Variants in MINDY3 observed in about 807,000 individuals in gnomAD.
MINDY3 encodes the protein MINDY lysine 48 deubiquitinase 3.
Under a neutral mutation model 69.2 loss-of-function variants are expected in MINDY3, and 38 were observed. The ratio of observed to expected loss-of-function variants is 0.55; its 90% confidence interval spans 0.42 to 0.72. MINDY3 has a LOEUF of 0.72. Ranked by LOEUF, MINDY3 falls within the 30% of genes least tolerant of loss-of-function variation. The probability of loss-of-function intolerance (pLI) is 0.00; values close to 1 mark genes in which losing one functional copy is unlikely to be tolerated. For synonymous variants in MINDY3, 192 were observed against 180.1 expected, an observed-to-expected ratio of 1.07 and a Z score of -0.53; for missense variants, 522 against 519.0, an observed-to-expected ratio of 1.01 and a Z score of -0.06.
chr10:15,786,765 G>A lies in MINDY3; in HGVS notation c.1029-117C>T, dbSNP rs574004993. On this transcript the variant is annotated intron_variant, in intron 12 of 14. Transcript: ENST00000277632. ...TCGGCTGCCAAAAACACTAAGAGCT[G>A]TTCTTTTTAGAACCTTAATGACAAA... The A allele has an allele frequency of 1.4e-4, 93 of 667,814 alleles. No individual in the cohort carries two copies. The East Asian group carries it at 2.3e-3, about 16-fold the overall frequency. 41.4% of individuals were successfully genotyped at this position (667,814 alleles called of 1,614,324 possible). A position where few individuals can be genotyped will look rare whatever the true frequency, so the allele number is the denominator to read the frequency against.
At chr10:15,838,373 C>T in intron 4 of MINDY3, 94 bp from the exon 5 acceptor site, 1 of 1,096,986 alleles carries the variant, frequency 9.1e-7, no homozygotes, top group East Asian at 2.8e-5. Context: ...GCAATCAAAA[C>T]TTTCCCTATT....
chr10:15,850,692 C>A lies in MINDY3; in HGVS notation c.95-2749G>T, dbSNP rs372329226. Among the ~76,000 whole-genome samples, 3 of 152,268 alleles carry A rather than the reference C, an allele frequency of 2.0e-5. No homozygotes were observed. The South Asian group carries it at 6.2e-4, about 32-fold the overall frequency. ...TATCAATGACAATGCCGGCCCAGTACAACATGAAACTTCATCAGCAATTCT... is the reference window on the plus strand; with the variant it reads ...TATCAATGACAATGCCGGCCCAGTAAAACATGAAACTTCATCAGCAATTCT... On this transcript the variant is annotated intron_variant, in intron 1 of 14. Coordinates refer to ENST00000277632, the MANE Select transcript of MINDY3 (RefSeq NM_024948.4).
chr10:15,827,686 A>G (rs1457929422), intron 8 of MINDY3, among the ~76,000 whole-genome samples: 1 of 152,160 alleles, frequency 6.6e-6, no homozygotes, highest in Non-Finnish European at 1.5e-5. Context: ...GAGAATTTAT[A>G]AAGAGCTCCT....
intron 2 of MINDY3, among the ~76,000 whole-genome samples, chr10:15,843,568 A>T (rs1833628323): frequency 6.6e-6 from 1 of 152,088 alleles, no homozygotes; most frequent in African/African-American, 2.4e-5. Flanking sequence ...AAGCACACAA[A>T]CTTACTGCTC....
chr10:15,850,945 T>C (rs1279080000), intron 1 of MINDY3, among the ~76,000 whole-genome samples: 1 of 152,016 alleles, frequency 6.6e-6, no homozygotes, highest in Non-Finnish European at 1.5e-5. Flanking sequence ...TTAGGGAAAA[T>C]AGAAAAGAAC....
At chr10:15,828,576 A>G (rs941546600) in intron 8 of MINDY3, among the ~76,000 whole-genome samples, 5 of 128,946 alleles carry the variant, frequency 3.9e-5, no homozygotes, top group African/African-American at 1.9e-4. Context: ...TAAAGCTATA[A>G]GTAAAAAAAA....
intron 8 of MINDY3, among the ~76,000 whole-genome samples, chr10:15,831,008 A>G (rs527566674): frequency 1.3e-5 from 2 of 152,326 alleles, no homozygotes; most frequent in East Asian, 1.9e-4. Context: ...GGAAAGATAT[A>G]TAGTTCTTCT....
intron 13 of MINDY3, chr10:15,782,483 T>G: frequency 2.7e-6 from 1 of 376,162 alleles, no homozygotes; most frequent in Non-Finnish European, 4.7e-6. Flanking sequence ...ACTTATTTTT[T>G]TTTTAATTAT....
chr10:15,831,761 C>T (rs1053134015), intron 8 of MINDY3, among the ~76,000 whole-genome samples: 10 of 151,412 alleles, frequency 6.6e-5, no homozygotes, highest in South Asian at 2.1e-4. Flanking sequence ...CTGCAACCTC[C>T]GCCTCCCGGG....
At chr10:15,781,933 C>T (rs115715623) in intron 14 of MINDY3, among the ~76,000 whole-genome samples, 131 of 152,242 alleles carry the variant, frequency 8.6e-4, no homozygotes, top group Middle Eastern at 3.4e-3. Context: ...TGTATTTAGT[C>T]ATGGTGAAAC....
At chr10:15,789,185 T>C (rs577475255) in intron 12 of MINDY3, 62 bp downstream of exon 12, 4 of 1,349,188 alleles carry the variant, frequency 3.0e-6, no homozygotes, top group African/African-American at 2.9e-5. Context: ...AAATGTACAA[T>C]ATGTCTTAAA....
chr10:15,796,441 G>A (rs1331676948), intron 10 of MINDY3, among the ~76,000 whole-genome samples: 7 of 149,626 alleles, frequency 4.7e-5, no homozygotes, highest in Middle Eastern at 3.2e-3. Context: ...GGGGAAAAAC[G>A]TCTAATACAG....
chr10:15,833,369 C>A (rs1045555929), intron 8 of MINDY3, among the ~76,000 whole-genome samples: 1 of 152,074 alleles, frequency 6.6e-6, no homozygotes, highest in African/African-American at 2.4e-5. Flanking sequence ...TCATAAATCC[C>A]AGTTTTATAC....
intron 2 of MINDY3, 81 bp downstream of exon 2, chr10:15,847,783 G>T: frequency 1.1e-6 from 1 of 895,664 alleles, no homozygotes; most frequent in South Asian, 1.4e-5. Flanking sequence ...ATTACTATAT[G>T]GAGTACAGAC....
chr10:15,856,394 C>T (rs577342948), intron 1 of MINDY3, among the ~76,000 whole-genome samples: 4 of 151,408 alleles, frequency 2.6e-5, no homozygotes, highest in African/African-American at 9.7e-5. Flanking sequence ...TACACCTACA[C>T]GCCCCTCTTC....
At chr10:15,790,228 A>G (rs1837306324) in intron 11 of MINDY3, among the ~76,000 whole-genome samples, 1 of 152,126 alleles carries the variant, frequency 6.6e-6, no homozygotes, top group Admixed American at 6.6e-5. Flanking sequence ...TCTATCAGAA[A>G]GGAATGAAGT....
At chr10:15,779,968 A>C (rs561983122) in intron 14 of MINDY3, among the ~76,000 whole-genome samples, 1 of 152,086 alleles carries the variant, frequency 6.6e-6, no homozygotes, top group Non-Finnish European at 1.5e-5. Context: ...ACATTAAGGC[A>C]CTCCTTGGTG....
intron 13 of MINDY3, 52 bp from the exon 14 acceptor site, chr10:15,782,278 A>G: frequency 8.2e-7 from 1 of 1,217,366 alleles, no homozygotes; most frequent in Non-Finnish European, 1.2e-6. Context: ...ATATCAGGCA[A>G]TTTCTAATCA....
chr10:15,825,860 A>C (rs1481979184), intron 8 of MINDY3, among the ~76,000 whole-genome samples: 1 of 152,176 alleles, frequency 6.6e-6, no homozygotes, highest in Non-Finnish European at 1.5e-5. Flanking sequence ...ATAAAAACAA[A>C]ACAAAAACCC....
Sources: allele counts gnomAD v4.1 joint callset (sites outside exome capture counted in the v4.1 genomes callset), GRCh38; gene constraint gnomAD v4.1.1; transcripts MANE v1.5; gene names NCBI Gene and HGNC (gene_info 2026-07-23, HGNC 2026-07-21).